SPATA3: variants seen among roughly 807,000 people sequenced by gnomAD.
The protein encoded by SPATA3 is spermatogenesis associated 3, also known as spermatogenesis-associated protein 3.
Under a neutral mutation model 5.7 loss-of-function variants are expected in SPATA3, and 6 were observed. The observed-to-expected ratio is 1.06, with a 90% confidence interval of 0.58 to 2.09. The LOEUF (loss-of-function observed/expected upper bound fraction) is 2.09, where lower values mean the gene tolerates loss of function less well. Ranked by LOEUF, SPATA3 falls within the 30% of genes most tolerant of loss-of-function variation. SPATA3 has a pLI of 0.00. For synonymous variants in SPATA3, 44 were observed against 48.4 expected, an observed-to-expected ratio of 0.91 and a Z score of 0.37; for missense variants, 155 against 130.4, an observed-to-expected ratio of 1.19 and a Z score of -0.92.
chr2:231,005,439 T>C (rs1251071737), downstream of SPATA3, among the ~76,000 whole-genome samples: 65 of 6,166 alleles, frequency 0.011, no homozygotes, highest in Admixed American at 0.017. Context: ...ACCACCACAA[T>C]CACCACCATC....
intron 6 of SPATA3, among the ~76,000 whole-genome samples, chr2:231,015,257 CTTTTTTTTT>C (rs35102459): frequency 6.4e-5 from 6 of 94,112 alleles, no homozygotes; most frequent in Non-Finnish European, 7.8e-5. Flanking sequence ...ATCGTTTTGG[CTTTTTTTTT>C]TTTTTTTTTT....
chr2:231,000,613 A>C (rs1333905223), intron 2 of SPATA3, 76 bp downstream of exon 2: 1 of 1,301,116 alleles, frequency 7.7e-7, no homozygotes, highest in Non-Finnish European at 1.0e-6. Context: ...CCTTATTAGC[A>C]ATCATGTATC....
downstream of SPATA3, among the ~76,000 whole-genome samples, chr2:231,005,410 TATCAGCATC>T (rs1692565318): frequency 9.8e-5 from 2 of 20,484 alleles, no homozygotes; most frequent in African/African-American, 2.3e-4. Context: ...CCACCACCAG[TATCAGCATC>T]ATCACCACCA....
exon 2 of SPATA3, chr2:231,000,423 C>G: frequency 6.5e-7 from 1 of 1,547,298 alleles, no homozygotes; most frequent in Non-Finnish European, 8.7e-7. Flanking sequence ...CCCTGCAGCT[C>G]CGCTTGCTGG....
downstream of SPATA3, among the ~76,000 whole-genome samples, chr2:231,006,346 AAAAAAAAATAGC>A (rs986739068): frequency 4.8e-5 from 3 of 63,076 alleles, no homozygotes; most frequent in Non-Finnish European, 1.2e-4. Context: ...CTAAAAATAC[AAAAAAAAATAGC>A]CGGGCGTGGT....
downstream of SPATA3, among the ~76,000 whole-genome samples, chr2:231,004,520 A>C (rs926499210): frequency 7.2e-5 from 11 of 152,178 alleles, no homozygotes; most frequent in African/African-American, 2.7e-4. Context: ...AACTACCTCC[A>C]CAGGCAATGG....
rs574957807 is a variant in SPATA3, at chr2:231,018,082, G to A, written c.*566-1638G>A. Among the ~76,000 whole-genome samples, 26 of 151,972 alleles carry A rather than the reference G, an allele frequency of 1.7e-4. 1 individual carries two copies. The highest frequency in any genetic ancestry group is 4.1e-4 in the African/African-American group (17 of 41,430). On this transcript the variant is annotated intron_variant, in intron 6 of 8. Transcript: ENST00000452881. ...TGGGATTACAGGAGCACACCACCCC[G>A]CCCAGCTAATTTTTATATTTTTAGT...
At chr2:231,010,247 A>T (rs1692747685), downstream of SPATA3, among the ~76,000 whole-genome samples, 1 of 152,262 alleles carries the variant, frequency 6.6e-6, no homozygotes, top group Non-Finnish European at 1.5e-5. Context: ...CCAGAGGTAC[A>T]GAGGAAATTG....
downstream of SPATA3, among the ~76,000 whole-genome samples, chr2:231,004,986 TCACCATCCTCAC>T (rs1692487916): frequency 9.5e-6 from 1 of 105,014 alleles, no homozygotes; most frequent in African/African-American, 3.7e-5. Flanking sequence ...ACCATCCTCA[TCACCATCCTCAC>T]CATCATCACC....
chr2:231,002,802 AAGCCCCT>A (rs1361142479), downstream of SPATA3: 5 of 1,459,826 alleles, frequency 3.4e-6, no homozygotes, highest in Non-Finnish European at 3.6e-6. Flanking sequence ...CCTTGTGAAC[AAGCCCCT>A]AGGCCCACAG....
At chr2:231,016,018 G>C (rs1692925389) in intron 6 of SPATA3, among the ~76,000 whole-genome samples, 2 of 152,198 alleles carry the variant, frequency 1.3e-5, no homozygotes, top group Admixed American at 1.3e-4. Context: ...TCACCTCTTT[G>C]GGCATGGGCA....
downstream of SPATA3, among the ~76,000 whole-genome samples, chr2:231,011,085 A>AAG (rs1692773290): frequency 6.8e-6 from 1 of 146,092 alleles, no homozygotes; most frequent in Non-Finnish European, 1.5e-5. Context: ...AAAAAAAAAA[A>AAG]AAAAGAAAAG....
At chr2:231,010,846 T>C (rs554956382), downstream of SPATA3, among the ~76,000 whole-genome samples, 16 of 150,654 alleles carry the variant, frequency 1.1e-4, 1 homozygote, top group South Asian at 2.9e-3. Context: ...GGCAGGCAGA[T>C]GACTTGAGCC....
At chr2:231,015,498 C>T (rs373564156) in intron 6 of SPATA3, among the ~76,000 whole-genome samples, 146 of 152,238 alleles carry the variant, frequency 9.6e-4, no homozygotes, top group African/African-American at 3.4e-3. Context: ...CACTGGCCAG[C>T]GGCCTCCCTT....
chr2:230,996,656 T>A, intron 1 of SPATA3, 122 bp downstream of exon 1: 2 of 1,293,710 alleles, frequency 1.5e-6, no homozygotes, highest in Non-Finnish European at 1.0e-6. Context: ...AGCTGTGCTG[T>A]AGAGTGGGAA....
At chr2:231,004,007 G>A (rs1376563986), downstream of SPATA3, 3 of 152,098 alleles carry the variant, frequency 2.0e-5, no homozygotes, top group Non-Finnish European at 4.4e-5. Context: ...GATAGCATGG[G>A]GATAATGAGA....
chr2:231,005,298 CCACCACCAT>C (rs1559197632), downstream of SPATA3, among the ~76,000 whole-genome samples: 7 of 81,898 alleles, frequency 8.5e-5, no homozygotes, highest in Non-Finnish European at 1.8e-4. Flanking sequence ...ATCACCATCA[CCACCACCAT>C]CACCACCATC....
At chr2:231,003,404 G>T (rs1692427224), downstream of SPATA3, among the ~76,000 whole-genome samples, 1 of 134,896 alleles carries the variant, frequency 7.4e-6, no homozygotes, top group Non-Finnish European at 1.7e-5. Flanking sequence ...CCTGAGACTG[G>T]GGTTGAATGG....
chr2:231,005,364 CCATCATCACCACCAT>C (rs1692558777), downstream of SPATA3, among the ~76,000 whole-genome samples: 1 of 73,804 alleles, frequency 1.4e-5, no homozygotes, highest in Non-Finnish European at 2.9e-5. Flanking sequence ...ACCACCACCA[CCATCATCACCACCAT>C]CACCACCACC....
Sources: gnomAD v4.1 joint callset for allele counts (sites outside exome capture counted in the v4.1 genomes callset) on GRCh38, gnomAD v4.1.1 for gene constraint, MANE v1.5 for transcripts, NCBI Gene and HGNC (gene_info 2026-07-23, HGNC 2026-07-21) for gene names.